Variants in CBL observed in about 807,000 individuals in gnomAD.
CBL encodes the protein Cbl proto-oncogene, also known as E3 ubiquitin-protein ligase CBL.
In CBL, 45 loss-of-function variants were observed where a neutral mutation model predicts 96.9. The observed-to-expected ratio is 0.46, with a 90% confidence interval of 0.37 to 0.60. The LOEUF is 0.60. Ranked by LOEUF, CBL falls within the 20% of genes least tolerant of loss-of-function variation. The pLI is 0.00. For synonymous variants in CBL, 420 were observed against 426.8 expected (o/e 0.98, Z 0.20); for missense variants, 1,024 against 1,143.5 (o/e 0.90, Z 1.51).
At position 119,299,648 on chromosome 11, in the gene CBL, A is replaced by G. The variant is rs146250423; in HGVS notation, c.2588A>G (p.Asn863Ser). 506 of 1,613,936 alleles carry G rather than the reference A, an allele frequency of 3.1e-4. 1 individual carries two copies. The highest frequency in any genetic ancestry group is 4.1e-4 in the Non-Finnish European group (479 of 1,179,992). The change falls in exon 16 of 16, where the codon AAC becomes AGC. Residue 863 changes from asparagine (N) to serine (S), a missense_variant. This residue lies in a region of CBL where 695 missense variants were observed against 661.6 expected (regional missense o/e 1.05). Coordinates refer to ENST00000264033, the MANE Select transcript of CBL (RefSeq NM_005188.4). Reference protein sequence around the residue: ...ASPQLSSEIENLMSQGYSYQD... With the variant: ...ASPQLSSEIESLMSQGYSYQD... The stretch of plus-strand genomic sequence containing the variant: ...CCTCAGCTCTCCAGTGAGATCGAGA[A>G]CCTCATGAGTCAGGGGTACTCCTAC...
intron 9 of CBL, among the ~76,000 whole-genome samples, chr11:119,279,718 A>G (rs980709629): frequency 6.6e-6 from 1 of 152,250 alleles, no homozygotes; most frequent in African/African-American, 2.4e-5. Context: ...TTTTTTAAGC[A>G]TATACGTAGA....
At chr11:119,224,743 T>C (rs977309185) in intron 1 of CBL, among the ~76,000 whole-genome samples, 1 of 151,302 alleles carries the variant, frequency 6.6e-6, no homozygotes. Context: ...GAAGAAAACA[T>C]TGAAAAAATC....
chr11:119,271,278 C>CTT (rs1297950258), intron 2 of CBL, among the ~76,000 whole-genome samples: 1 of 152,140 alleles, frequency 6.6e-6, no homozygotes, highest in African/African-American at 2.4e-5. Flanking sequence ...TCTTACCTGT[C>CTT]ATCCTAAAAA....
intron 2 of CBL, among the ~76,000 whole-genome samples, chr11:119,236,178 C>A (rs1481523055): frequency 6.6e-6 from 1 of 152,036 alleles, no homozygotes; most frequent in Non-Finnish European, 1.5e-5. Flanking sequence ...AACATTTTCA[C>A]CCCCCAACAG....
chr11:119,224,705 G>A (rs1019549294), intron 1 of CBL, among the ~76,000 whole-genome samples: 2 of 151,146 alleles, frequency 1.3e-5, no homozygotes, highest in Non-Finnish European at 3.0e-5. Flanking sequence ...ATTCTCCTGC[G>A]TCAGCCTCCT....
chr11:119,256,630 G>C (rs1041027627), intron 2 of CBL, among the ~76,000 whole-genome samples: 1 of 151,054 alleles, frequency 6.6e-6, no homozygotes, highest in African/African-American at 2.4e-5. Flanking sequence ...AGTGAAGTCT[G>C]AGATTTTGGT....
At position 119,216,663 on chromosome 11, in the gene CBL, AC is replaced by A. The variant is rs1949363427; in HGVS notation, c.195+10053del. 2.0e-5 allele frequency among the ~76,000 whole-genome samples: 3 copies of A among 152,010 alleles called. No homozygotes were observed. The South Asian group carries it at 6.2e-4, about 31-fold the overall frequency. ...GGGATTACAGGCTTGAGCCACTGCG[AC>A]CAGCCTCTTGGACTTATTTTAAACA... On this transcript the variant is annotated intron_variant, in intron 1 of 15. Transcript: ENST00000264033.
At chr11:119,218,347 A>C (rs951636253) in intron 1 of CBL, among the ~76,000 whole-genome samples, 1 of 152,142 alleles carries the variant, frequency 6.6e-6, no homozygotes, top group Non-Finnish European at 1.5e-5. Context: ...ACTTTAGACC[A>C]GTCAGGCTCT....
rs1449081255 is a variant in CBL, at chr11:119,285,513, C to T, written c.1888C>T (p.Pro630Ser). 2 of 1,614,034 alleles carry T rather than the reference C, an allele frequency of 1.2e-6. No individual in the cohort carries two copies. Among genetic ancestry groups the T allele is most frequent in the Admixed American group, 1.7e-5 (1 of 60,022 alleles). ...LPFSLPSQME[P>S]RPDVPRLGST... ...ATTTTCATTGCCCTCACAAATGGAG[C>T]CCAGACCAGATGTGCCTAGGCTCGG... is the stretch of plus-strand genomic sequence containing the variant. Residue 630 changes from proline to serine, a missense_variant, in exon 11 of 16, where the codon CCC becomes TCC. Pro to Ser is a moderately conservative substitution (Grantham distance 74). Around this residue, in one of 4 missense-constraint regions of CBL, gnomAD observed 695 missense variants for 661.6 expected, o/e 1.05. Coordinates refer to ENST00000264033, the MANE Select transcript of CBL (RefSeq NM_005188.4).
intron 1 of CBL, among the ~76,000 whole-genome samples, chr11:119,224,243 A>G (rs1318221127): frequency 1.3e-5 from 2 of 152,204 alleles, no homozygotes; most frequent in Non-Finnish European, 2.9e-5. Context: ...ATACATTGTC[A>G]TGAACATTTA....
At position 119,298,549 on chromosome 11, in the gene CBL, C is replaced by G; in HGVS notation, c.2434+9C>G. 1 of 1,613,550 alleles carries G rather than the reference C, an allele frequency of 6.2e-7. No individual in the cohort carries two copies. Among genetic ancestry groups the G allele is most frequent in the Non-Finnish European group, 8.5e-7 (1 of 1,179,468 alleles). On this transcript the variant is annotated intron_variant, in intron 15 of 15. Transcript: ENST00000264033. ...TGGTGATCCTACAACAAGTGAGTCT[C>G]CAGACTACTTTGGGTTTGTCCTGAA... is the stretch of plus-strand genomic sequence containing the variant.
chr11:119,220,097 C>T (rs1949396430), intron 1 of CBL, among the ~76,000 whole-genome samples: 1 of 152,038 alleles, frequency 6.6e-6, no homozygotes, highest in Admixed American at 6.6e-5. Context: ...ACCTTGTGAT[C>T]CACCCACCTT....
chr11:119,286,529 A>G (rs1488256493), intron 11 of CBL, among the ~76,000 whole-genome samples: 1 of 152,236 alleles, frequency 6.6e-6, no homozygotes, highest in East Asian at 1.9e-4. Flanking sequence ...GATAACAGCC[A>G]CAATGACAGA....
intron 1 of CBL, among the ~76,000 whole-genome samples, chr11:119,228,374 G>A (rs1035957782): frequency 1.3e-5 from 2 of 152,116 alleles, no homozygotes; most frequent in Non-Finnish European, 2.9e-5. Flanking sequence ...GGGAGGTCGA[G>A]GTGGGCGGAT....
rs1950143873 is a variant in CBL, at chr11:119,306,584, CCTT to C, written c.*6807_*6809del. 2.6e-6 allele frequency: 1 copy of C among 386,740 alleles called. No individual in the cohort carries two copies. Among genetic ancestry groups the C allele is most frequent in the East Asian group, 3.7e-5 (1 of 27,344 alleles). 24.0% of individuals were successfully genotyped at this position (386,740 alleles called of 1,614,324 possible). ...CTCCCTCCTCTCTACCTACCTCTGA[CCTT>C]CTTGTGGGTGAGGGTGGCCATGCTT... On this transcript the variant is annotated 3_prime_UTR_variant, in exon 16 of 16. Coordinates refer to ENST00000264033, the MANE Select transcript of CBL (RefSeq NM_005188.4).
Position 119,299,521 on chromosome 11 carries a change from G to C in CBL, c.2461G>C (p.Glu821Gln). 1 of 1,614,076 alleles carries C rather than the reference G, an allele frequency of 6.2e-7. No individual in the cohort carries two copies. The highest frequency in any genetic ancestry group is 2.2e-5 in the East Asian group (1 of 44,882). The change falls in exon 16 of 16, where the codon GAG becomes CAG. Residue 821 changes from glutamate to glutamine, a missense_variant. Glu to Gln is a conservative substitution (Grantham distance 29). Coordinates refer to ENST00000264033, the MANE Select transcript of CBL (RefSeq NM_005188.4). ...TGTCACTGAAGGTTCCCAAGTTCCC[G>C]AGAGGCCTCCAAAACCATTCCCGCG... ...TNVTEGSQVP[E>Q]RPPKPFPRRI...
intron 1 of CBL, among the ~76,000 whole-genome samples, chr11:119,225,571 G>GT (rs1949451662): frequency 6.6e-6 from 1 of 151,780 alleles, no homozygotes; most frequent in East Asian, 1.9e-4. Context: ...TTAATTTTTG[G>GT]TATTTTTTGT....
chr11:119,274,955 T>C lies in CBL; in HGVS notation c.869+2T>C. ...GAAATTCATTCACAAACCTGGCAGG[T>C]CAGTTCAATGACGCAAAGAGATTTA... On this transcript the variant is annotated splice_donor_variant, in intron 5 of 15. Transcript: ENST00000264033. LOFTEE classifies it high-confidence loss of function. 1 of 1,613,698 alleles carries C rather than the reference T, an allele frequency of 6.2e-7. No homozygotes were observed. Among genetic ancestry groups the C allele is most frequent in the Non-Finnish European group, 8.5e-7 (1 of 1,179,886 alleles).
At chr11:119,245,196 G>T (rs1376833799) in intron 2 of CBL, among the ~76,000 whole-genome samples, 1 of 142,966 alleles carries the variant, frequency 7.0e-6, no homozygotes, top group Non-Finnish European at 1.5e-5. Context: ...TTTTAAACCA[G>T]ATATCTACCT....
Sources: allele counts gnomAD v4.1 joint callset (sites outside exome capture counted in the v4.1 genomes callset), GRCh38; gene constraint gnomAD v4.1.1; regional missense constraint gnomAD v4.1.1; transcripts MANE v1.5; gene names NCBI Gene and HGNC (gene_info 2026-07-23, HGNC 2026-07-21).